Variants in LPAR3 observed in about 807,000 individuals in gnomAD.
LPAR3 encodes lysophosphatidic acid receptor 3, also known as LPA receptor 3.
LPAR3 carries 7 observed loss-of-function variants against 17.8 expected under a neutral mutation model. The observed-to-expected ratio is 0.39, with a 90% CI of 0.22 to 0.74. The LOEUF (loss-of-function observed/expected upper bound fraction) is 0.74. LPAR3 is among the 30% of genes least tolerant of loss of function. The pLI, the probability that LPAR3 is intolerant of heterozygous loss-of-function variation, is 0.40. For synonymous variants in LPAR3, 179 were observed against 179.9 expected (o/e 0.99, Z 0.04); for missense variants, 391 against 453.4 (o/e 0.86, Z 1.25).
At chr1:84,850,678 C>T (rs1281107359) in intron 2 of LPAR3, among the ~76,000 whole-genome samples, 1 of 152,222 alleles carries the variant, frequency 6.6e-6, no homozygotes, top group East Asian at 1.9e-4. Context: ...AGAAATCTTT[C>T]ATGCCTTTGG....
At chr1:84,883,471 CT>C (rs1402343345) in intron 1 of LPAR3, among the ~76,000 whole-genome samples, 1 of 152,180 alleles carries the variant, frequency 6.6e-6, no homozygotes, top group African/African-American at 2.4e-5. Flanking sequence ...GGTTGAAAAC[CT>C]AATGTTTAAC....
chr1:84,867,601 C>T (rs1660076879), intron 1 of LPAR3, among the ~76,000 whole-genome samples: 1 of 151,676 alleles, frequency 6.6e-6, no homozygotes, highest in Admixed American at 6.6e-5. Flanking sequence ...TTAGATATTG[C>T]TTTTTGGCCA....
chr1:84,858,575 T>C (rs756809168), intron 2 of LPAR3, among the ~76,000 whole-genome samples: 4 of 150,990 alleles, frequency 2.6e-5, no homozygotes, highest in Admixed American at 6.6e-5. Flanking sequence ...CCAGAGCCCA[T>C]CTAAGGCCAA....
intron 1 of LPAR3, among the ~76,000 whole-genome samples, chr1:84,873,550 CT>C (rs1660197068): frequency 6.6e-6 from 1 of 152,068 alleles, no homozygotes; most frequent in Non-Finnish European, 1.5e-5. Flanking sequence ...GACATTGTAA[CT>C]GAGAATGAGA....
intron 2 of LPAR3, among the ~76,000 whole-genome samples, chr1:84,861,273 A>C (rs1047445919): frequency 1.3e-5 from 2 of 152,168 alleles, no homozygotes; most frequent in Non-Finnish European, 2.9e-5. Flanking sequence ...TTGAATTCTT[A>C]CATGTAGTAT....
intron 2 of LPAR3, among the ~76,000 whole-genome samples, chr1:84,863,634 T>C (rs980734284): frequency 6.6e-6 from 1 of 152,180 alleles, no homozygotes; most frequent in Non-Finnish European, 1.5e-5. Context: ...CACGCAGTCC[T>C]GTGATTTAAA....
At chr1:84,879,658 G>A (rs1277977713) in intron 1 of LPAR3, among the ~76,000 whole-genome samples, 2 of 152,138 alleles carry the variant, frequency 1.3e-5, no homozygotes. Context: ...CTGGGCACCA[G>A]GACGCCCAAC....
At chr1:84,886,336 G>A (rs1660460461) in intron 1 of LPAR3, among the ~76,000 whole-genome samples, 1 of 152,124 alleles carries the variant, frequency 6.6e-6, no homozygotes, top group African/African-American at 2.4e-5. Context: ...GCCAGCCTGG[G>A]CAACACAGCA....
intron 2 of LPAR3, among the ~76,000 whole-genome samples, chr1:84,829,072 T>A (rs1180643426): frequency 1.3e-5 from 2 of 149,886 alleles, no homozygotes; most frequent in Non-Finnish European, 2.9e-5. Flanking sequence ...TTTTTCTTTG[T>A]GCCATGTAAA....
chr1:84,813,929 C>T lies in LPAR3; in HGVS notation c.979G>A (p.Val327Ile). ...ERRPSRIPST[V>I]LSRSDTGSQY... Reference sequence around the variant, plus strand: ...CTGCCTGTGTCACTCCTGCTGAGGACTGTGGAGGGGATGCGAGAGGGACGC... The same window carrying T: ...CTGCCTGTGTCACTCCTGCTGAGGATTGTGGAGGGGATGCGAGAGGGACGC... Residue 327 changes from valine (V) to isoleucine (I), a missense_variant, in exon 3 of 3, where the codon GTC becomes ATC. Coordinates refer to ENST00000370611, the MANE Select transcript of LPAR3 (RefSeq NM_012152.3). 3 of 1,614,152 alleles carry T rather than the reference C, an allele frequency of 1.9e-6. No individual in the cohort carries two copies. Among genetic ancestry groups the T allele is most frequent in the Non-Finnish European group, 2.5e-6 (3 of 1,180,012 alleles).
At chr1:84,829,099 C>A (rs528523776) in intron 2 of LPAR3, among the ~76,000 whole-genome samples, 12 of 148,988 alleles carry the variant, frequency 8.1e-5, no homozygotes, top group African/African-American at 2.8e-4. Context: ...CCCAGCCCAG[C>A]AGCCATTCCC....
chr1:84,887,906 G>A (rs1258541116), intron 1 of LPAR3, among the ~76,000 whole-genome samples: 1 of 152,160 alleles, frequency 6.6e-6, no homozygotes, highest in East Asian at 1.9e-4. Context: ...AGATCAGACA[G>A]GTAGAAGAGA....
At chr1:84,865,252 G>A in intron 2 of LPAR3, 133 bp downstream of exon 2, 1 of 880,910 alleles carries the variant, frequency 1.1e-6, no homozygotes. Context: ...GCTCCAGGTG[G>A]GTGGCGATTT....
intron 2 of LPAR3, among the ~76,000 whole-genome samples, chr1:84,831,552 T>C (rs1273958014): frequency 1.3e-5 from 2 of 152,114 alleles, no homozygotes; most frequent in East Asian, 3.8e-4. Flanking sequence ...ATATATCATA[T>C]AACAATTTAC....
chr1:84,861,905 C>T (rs887506172), intron 2 of LPAR3, among the ~76,000 whole-genome samples: 3 of 152,142 alleles, frequency 2.0e-5, no homozygotes, highest in African/African-American at 7.2e-5. Context: ...GCCAAAACCT[C>T]CCAGCTCCTT....
At chr1:84,863,987 G>A (rs926609705) in intron 2 of LPAR3, among the ~76,000 whole-genome samples, 23 of 152,058 alleles carry the variant, frequency 1.5e-4, no homozygotes, top group African/African-American at 4.1e-4. Flanking sequence ...CGAGGCAGGC[G>A]GATGGCTTCA....
At chr1:84,877,899 T>C (rs915507077) in intron 1 of LPAR3, among the ~76,000 whole-genome samples, 2 of 152,146 alleles carry the variant, frequency 1.3e-5, no homozygotes, top group Non-Finnish European at 2.9e-5. Flanking sequence ...CTCTGGTCGA[T>C]GTGTTAGTTA....
chr1:84,865,990 AT>A lies in LPAR3; in HGVS notation c.130del (p.Ile44PhefsTer12). 6.2e-7 allele frequency: 1 copy of A among 1,614,184 alleles called. No homozygotes were observed. The highest frequency in any genetic ancestry group is 8.5e-7 in the Non-Finnish European group (1 of 1,180,032). The part of the protein sequence containing the change: ...LCVGTFFCLF[I>X]FFSNSLVIAA... Reference sequence around the variant, plus strand: ...GATGACCAGAGAATTAGAAAAAAAAATAAACAGGCAGAAAAACGTCCCAACA... The same window carrying A: ...GATGACCAGAGAATTAGAAAAAAAAAAAACAGGCAGAAAAACGTCCCAACA... On this transcript the variant is annotated frameshift_variant, in exon 2 of 3. Transcript: ENST00000370611. LOFTEE classifies it high-confidence loss of function.
intron 2 of LPAR3, among the ~76,000 whole-genome samples, chr1:84,863,612 T>A (rs1310455918): frequency 6.6e-6 from 1 of 152,160 alleles, no homozygotes; most frequent in Non-Finnish European, 1.5e-5. Context: ...ACATTCACGT[T>A]CATGGTGAGC....
Sources: gnomAD v4.1 joint callset for allele counts (sites outside exome capture counted in the v4.1 genomes callset) on GRCh38, gnomAD v4.1.1 for gene constraint, MANE v1.5 for transcripts, NCBI Gene and HGNC (gene_info 2026-07-23, HGNC 2026-07-21) for gene names.